The following CIB1 variants were observed in gnomAD, a reference collection of about 807,000 sequenced individuals.
CIB1 encodes the protein calcium and integrin binding 1.
CIB1 carries 19 observed loss-of-function variants against 25.0 expected under a neutral mutation model. That is an observed-to-expected ratio of 0.76 (90% CI 0.53 to 1.12). CIB1 has a LOEUF of 1.12. Among genes scored for constraint, CIB1 ranks in the 50% most tolerant of loss-of-function variants. CIB1 has a pLI of 0.00. For missense variants in CIB1, 236 were observed against 242.6 expected (o/e 0.97, Z 0.18); for synonymous variants, 104 against 98.5 (o/e 1.06, Z -0.33).
In CIB1 at chr15:90,231,502, G is replaced by A. The variant is rs1962490525; in HGVS notation, c.201C>T (p.Asn67=). 1 of 1,613,648 alleles carries A rather than the reference G, an allele frequency of 6.2e-7. No homozygotes were observed. The highest frequency in any genetic ancestry group is 8.5e-7 in the Non-Finnish European group (1 of 1,179,828). ...CCCTGCAGATTCGCTCCTTGAAGGG[G>A]TTGGCCTAGGAGAACAAACGCCACA... ...QILSLPELKA[N]PFKERICRVF... is the part of the protein sequence containing the mutation. Residue 67 remains asparagine, a synonymous_variant, in exon 4 of 7, where the codon AAC becomes AAT. Coordinates refer to ENST00000328649, the MANE Select transcript of CIB1 (RefSeq NM_006384.4).
At chr15:90,237,061 C>G (rs904872546), upstream of CIB1, among the ~76,000 whole-genome samples, 1 of 151,534 alleles carries the variant, frequency 6.6e-6, no homozygotes, top group Non-Finnish European at 1.5e-5. Context: ...CAGATTCAAG[C>G]GATTCTCCTG....
chr15:90,237,181 G>T (rs975462290), upstream of CIB1, among the ~76,000 whole-genome samples: 1 of 151,804 alleles, frequency 6.6e-6, no homozygotes, highest in Non-Finnish European at 1.5e-5. Context: ...GGCTGGTCTC[G>T]AACTCCTGAC....
At chr15:90,230,866 G>T in intron 6 of CIB1, 68 bp downstream of exon 6, 1 of 1,334,994 alleles carries the variant, frequency 7.5e-7, no homozygotes, top group Non-Finnish European at 1.1e-6. Flanking sequence ...CTGTAGCCAT[G>T]CCCTAGGCCC....
At chr15:90,242,051 C>T in the CIB1 span, 6 of 1,604,178 alleles carry the variant, frequency 3.7e-6, no homozygotes, top group Non-Finnish European at 4.3e-6. Flanking sequence ...CCCTGATGTC[C>T]CAGGAAGAGC....
upstream of CIB1, among the ~76,000 whole-genome samples, chr15:90,237,878 G>C (rs1394468611): frequency 1.3e-5 from 2 of 152,112 alleles, no homozygotes; most frequent in Non-Finnish European, 2.9e-5. Context: ...CTTGAGTCTG[G>C]GAGGCAGACA....
chr15:90,253,499 C>A, the CIB1 span: 1 of 524,674 alleles, frequency 1.9e-6, no homozygotes, highest in Non-Finnish European at 3.4e-6. Context: ...AGACCACCCC[C>A]AGGGTCTTCT....
upstream of CIB1, chr15:90,234,044 A>T: frequency 1.2e-6 from 1 of 851,244 alleles, no homozygotes; most frequent in South Asian, 2.1e-5. Flanking sequence ...AGGCGTTCCC[A>T]GCCGGGTTTG....
the CIB1 span, chr15:90,253,430 C>T: frequency 7.9e-7 from 1 of 1,272,488 alleles, no homozygotes; most frequent in Non-Finnish European, 1.1e-6. Flanking sequence ...ATTCCCACCT[C>T]CTTGCCCAGG....
At chr15:90,248,049 G>GT in the CIB1 span, among the ~76,000 whole-genome samples, 1 of 151,744 alleles carries the variant, frequency 6.6e-6, no homozygotes, top group East Asian at 2.0e-4. Context: ...CCAGATATTT[G>GT]TTTTTTTAAA....
chr15:90,230,931 T>C lies in CIB1; in HGVS notation c.554+3A>G. 6.2e-7 allele frequency: 1 copy of C among 1,613,114 alleles called. No individual in the cohort carries two copies. The highest frequency in any genetic ancestry group is 2.2e-5 in the East Asian group (1 of 44,878). On this transcript the variant is annotated splice_donor_region_variant and intron_variant, in intron 6 of 6. Transcript: ENST00000328649. ...CCAGAATGAAGGGGGACCACTGTCATACCTGGCAAAGTCTGGAGAACGGGA... is the reference window on the plus strand; with the variant it reads ...CCAGAATGAAGGGGGACCACTGTCACACCTGGCAAAGTCTGGAGAACGGGA...
Position 90,230,338 on chromosome 15 carries a change from C to T in CIB1, c.*146G>A, listed in dbSNP as rs760298374. Reference sequence around the variant, plus strand: ...GAGGAGAGGCCCTGACAACGAGGGCCGCCCCTGCCCGGGGTGAGGCTGCAC... The same window carrying T: ...GAGGAGAGGCCCTGACAACGAGGGCTGCCCCTGCCCGGGGTGAGGCTGCAC... On this transcript the variant is annotated 3_prime_UTR_variant, in exon 7 of 7. Coordinates refer to ENST00000328649, the MANE Select transcript of CIB1 (RefSeq NM_006384.4). 5.2e-5 allele frequency: 44 copies of T among 848,584 alleles called. No homozygotes were observed. The highest frequency in any genetic ancestry group is 2.7e-4 in the African/African-American group (16 of 58,350). The allele number at this position is 848,584 out of a possible 1,614,324, so 52.6% of individuals were successfully genotyped here.
chr15:90,264,602 G>C, the CIB1 span: 1 of 1,188,960 alleles, frequency 8.4e-7, no homozygotes, highest in Non-Finnish European at 1.2e-6. Flanking sequence ...GGGAAAGACA[G>C]TGGAGGGAAG....
At chr15:90,256,577 CTTTCTTTCTTTCTTTCTTTCTTTCTTTCT>C in the CIB1 span, among the ~76,000 whole-genome samples, 12,950 of 56,762 alleles carry the variant, frequency 0.23, 853 homozygotes, top group East Asian at 0.34. Context: ...TTCTTTCTTT[CTTTCTTTCTTTCTTTCTTTCTTTCTTTCT>C]TTCCTTCCTT....
At chr15:90,263,923 C>T in the CIB1 span, 14 of 1,458,594 alleles carry the variant, frequency 9.6e-6, no homozygotes, top group South Asian at 1.6e-4. Context: ...TGCAATCCCA[C>T]ATGTTCCCCG....
chr15:90,254,237 G>A, the CIB1 span, among the ~76,000 whole-genome samples: 1 of 148,288 alleles, frequency 6.7e-6, no homozygotes, highest in East Asian at 2.0e-4. Flanking sequence ...GCTCACGCCT[G>A]TAATCCCAAC....
the CIB1 span, among the ~76,000 whole-genome samples, chr15:90,239,991 AGGTG>A: frequency 6.6e-6 from 1 of 152,042 alleles, no homozygotes; most frequent in African/African-American, 2.4e-5. Flanking sequence ...TGGGAAGCCG[AGGTG>A]GGTGGATCAC....
At chr15:90,264,168 A>G in the CIB1 span, 3 of 688,890 alleles carry the variant, frequency 4.4e-6, no homozygotes, top group Non-Finnish European at 7.3e-6. Flanking sequence ...CAGTGTAAGA[A>G]TGGGGAAGTT....
chr15:90,263,287 T>C, the CIB1 span: 1 of 721,460 alleles, frequency 1.4e-6, no homozygotes, highest in Non-Finnish European at 2.2e-6. Flanking sequence ...TAGCTGGACC[T>C]TGGGAGAGGG....
upstream of CIB1, chr15:90,233,963 C>G: frequency 1.4e-6 from 2 of 1,405,960 alleles, no homozygotes; most frequent in Non-Finnish European, 1.9e-6. Context: ...TGGGCCGCGT[C>G]ACTGCCCGGT....
Sources: gnomAD v4.1 joint callset for allele counts (sites outside exome capture counted in the v4.1 genomes callset) on GRCh38, gnomAD v4.1.1 for gene constraint, MANE v1.5 for transcripts, NCBI Gene and HGNC (gene_info 2026-07-23, HGNC 2026-07-21) for gene names.